The following PTCHD4 variants were observed in gnomAD, a reference collection of about 807,000 sequenced individuals.
PTCHD4 encodes patched domain containing 4, also known as patched domain-containing protein 4.
A neutral mutation model predicts 58.1 loss-of-function variants in PTCHD4; 33 were observed. The ratio of observed to expected loss-of-function variants is 0.57; its 90% CI spans 0.43 to 0.76. PTCHD4 has a LOEUF of 0.76. Among genes scored for constraint, PTCHD4 ranks in the 30% least tolerant of loss-of-function variants. The pLI, the probability that PTCHD4 is intolerant of heterozygous loss-of-function variation, is 0.00. For synonymous variants in PTCHD4, 478 were observed against 409.6 expected (o/e 1.17, Z -2.02); for missense variants, 1,058 against 1,027.1 (o/e 1.03, Z -0.41).
rs1405801548 is a variant in PTCHD4 at position 47,868,731 on chromosome 6, T to C, written c.*9572A>G. On this transcript the variant is annotated 3_prime_UTR_variant, in exon 5 of 5. Transcript: ENST00000339488. ...AGCTTAATTTTTCTGAGTTCTTATT[T>C]CATTCCTTTCTAGCCATGCTTATTT... Among the ~76,000 whole-genome samples the C allele has an allele frequency of 6.6e-5, 10 of 151,762 alleles. No individual in the cohort carries two copies. Among genetic ancestry groups the C allele is most frequent in the Admixed American group, 6.6e-4 (10 of 15,198 alleles).
chr6:47,952,496 G>GC (rs35155999), intron 4 of PTCHD4, among the ~76,000 whole-genome samples: 1 of 151,850 alleles, frequency 6.6e-6, no homozygotes, highest in Non-Finnish European at 1.5e-5. Flanking sequence ...AGTATATACC[G>GC]CCCCCCATGC....
chr6:47,868,070 T>C lies in PTCHD4; in HGVS notation c.*10233A>G, dbSNP rs1052302106. ...TCTGAAACTTTCCAATGTGTTCCTT[T>C]GTTTTTAAAGCCTAACTAAGCTAAT... On this transcript the variant is annotated 3_prime_UTR_variant, in exon 5 of 5. Coordinates refer to ENST00000339488, the MANE Select transcript of PTCHD4 (RefSeq NM_001384253.1). Among the ~76,000 whole-genome samples the C allele has an allele frequency of 3.3e-5, 5 of 151,814 alleles. No homozygotes were observed. The highest frequency in any genetic ancestry group is 9.7e-5 in the African/African-American group (4 of 41,404).
chr6:47,957,422 C>T (rs1177905980), intron 4 of PTCHD4, among the ~76,000 whole-genome samples: 3 of 150,508 alleles, frequency 2.0e-5, no homozygotes, highest in African/African-American at 7.3e-5. Context: ...TAAAGATGTA[C>T]TTTCTATTTC....
intron 3 of PTCHD4, among the ~76,000 whole-genome samples, chr6:48,039,559 T>A (rs1763769427): frequency 6.6e-6 from 1 of 152,162 alleles, no homozygotes; most frequent in Non-Finnish European, 1.5e-5. Flanking sequence ...TTGATAATTA[T>A]CCTTTAAACT....
intron 4 of PTCHD4, among the ~76,000 whole-genome samples, chr6:47,891,221 CAAAAAAAA>C (rs35503136): frequency 6.0e-5 from 5 of 83,336 alleles, no homozygotes; most frequent in Non-Finnish European, 1.1e-4. Context: ...GACTGTGTCT[CAAAAAAAA>C]AAAAAAAAAA....
chr6:47,949,281 T>G (rs151275803), intron 4 of PTCHD4, among the ~76,000 whole-genome samples: 1 of 152,228 alleles, frequency 6.6e-6, no homozygotes, highest in East Asian at 1.9e-4. Context: ...ATATAGGCCA[T>G]AAGTCAGATG....
intron 4 of PTCHD4, among the ~76,000 whole-genome samples, chr6:48,000,495 T>C (rs1187281412): frequency 1.3e-5 from 2 of 152,166 alleles, no homozygotes; most frequent in African/African-American, 4.8e-5. Context: ...AGTGGGCGTT[T>C]AGAGATTTCT....
At chr6:48,086,718 TG>T (rs1356456286) in intron 1 of PTCHD4, among the ~76,000 whole-genome samples, 1 of 152,086 alleles carries the variant, frequency 6.6e-6, no homozygotes, top group African/African-American at 2.4e-5. Context: ...CTTATTTTCA[TG>T]GGGGAAAAAG....
Position 48,068,413 on chromosome 6 carries a change from G to A in PTCHD4, c.234C>T (p.Ala78=), listed in dbSNP as rs759752543. Reference sequence around the variant, plus strand: ...TGCTGGCCAGGCTGCGCTCGATCTTGGCCAGGCTGTGGCTGGGAGCGACCA... The same window carrying A: ...TGCTGGCCAGGCTGCGCTCGATCTTAGCCAGGCTGTGGCTGGGAGCGACCA... ...ERLVAPSHSL[A]KIERSLASSL... is the part of the protein sequence containing the mutation. Residue 78 remains alanine (A), a synonymous_variant, in exon 3 of 5, where the codon GCC becomes GCT. Transcript: ENST00000339488. The surrounding 1 kb of genome is among the most constrained non-coding windows in gnomAD (Gnocchi z 4.2). 6 of 1,613,834 alleles carry A rather than the reference G, an allele frequency of 3.7e-6. No homozygotes were observed. In the Admixed American group the frequency reaches 8.3e-5, roughly 22 times the overall value.
chr6:48,024,789 C>T (rs148999995), intron 3 of PTCHD4, among the ~76,000 whole-genome samples: 1,696 of 152,268 alleles, frequency 0.011, 36 homozygotes, highest in African/African-American at 0.037. Context: ...AACCAAACCT[C>T]CTGATTCCAC....
intron 3 of PTCHD4, among the ~76,000 whole-genome samples, chr6:48,016,897 AG>A (rs147225285): frequency 1.4e-3 from 216 of 152,342 alleles, no homozygotes; most frequent in African/African-American, 4.4e-3. Flanking sequence ...CCTATGTACT[AG>A]GTTGGCATTC....
At chr6:47,892,105 A>C (rs186302151) in intron 4 of PTCHD4, among the ~76,000 whole-genome samples, 1 of 152,186 alleles carries the variant, frequency 6.6e-6, no homozygotes, top group Non-Finnish European at 1.5e-5. Flanking sequence ...AGATGATAAC[A>C]TGAATATTAA....
intron 4 of PTCHD4, among the ~76,000 whole-genome samples, chr6:47,941,832 A>T (rs1266091082): frequency 6.6e-6 from 1 of 152,198 alleles, no homozygotes; most frequent in African/African-American, 2.4e-5. Context: ...TCTAAAGAAA[A>T]TTTAAAAATT....
At chr6:47,962,751 A>G (rs1014422070) in intron 4 of PTCHD4, among the ~76,000 whole-genome samples, 1 of 152,092 alleles carries the variant, frequency 6.6e-6, no homozygotes, top group African/African-American at 2.4e-5. Context: ...GCTATAAAGA[A>G]GTATGAAAAT....
Position 48,029,208 on chromosome 6 carries a change from G to C in PTCHD4, c.418-20094C>G, listed in dbSNP as rs562367652. 3.3e-5 allele frequency among the ~76,000 whole-genome samples: 5 copies of C among 152,134 alleles called. No homozygotes were observed. In the South Asian group the frequency reaches 1.0e-3, roughly 32 times the overall value. ...TCTTAACCTGAACAATTTTAAATCT[G>C]TTGTCACTACAGATAGTTTTTTACT... On this transcript the variant is annotated intron_variant, in intron 3 of 4. Transcript: ENST00000339488.
intron 3 of PTCHD4, among the ~76,000 whole-genome samples, chr6:48,047,714 G>C (rs868418946): frequency 5.3e-5 from 8 of 151,858 alleles, no homozygotes; most frequent in Middle Eastern, 6.8e-3. Flanking sequence ...TTATTAAAGA[G>C]CCCCAGAAGG....
chr6:47,926,985 T>C (rs189847484), intron 4 of PTCHD4, among the ~76,000 whole-genome samples: 1 of 152,258 alleles, frequency 6.6e-6, no homozygotes, highest in East Asian at 1.9e-4. Flanking sequence ...GTCTGATGAG[T>C]TCCCTTTGGA....
chr6:47,939,097 G>T (rs1245867366), intron 4 of PTCHD4, among the ~76,000 whole-genome samples: 1 of 152,072 alleles, frequency 6.6e-6, no homozygotes, highest in Non-Finnish European at 1.5e-5. Context: ...CTGAGTTGAG[G>T]ACAAGTTCTT....
chr6:47,937,970 T>C (rs1161980668), intron 4 of PTCHD4, among the ~76,000 whole-genome samples: 1 of 152,016 alleles, frequency 6.6e-6, no homozygotes, highest in Non-Finnish European at 1.5e-5. Flanking sequence ...CTGACCTATG[T>C]GGTGAAACCC....
Sources: gnomAD v4.1 joint callset for allele counts (sites outside exome capture counted in the v4.1 genomes callset) on GRCh38, gnomAD v4.1.1 for gene constraint, Gnocchi (gnomAD v3.1) non-coding constraint, MANE v1.5 for transcripts, NCBI Gene and HGNC (gene_info 2026-07-23, HGNC 2026-07-21) for gene names.